PCDHGA9: variants seen among roughly 807,000 people sequenced by gnomAD.
PCDHGA9 encodes protocadherin gamma subfamily A, 9.
A neutral mutation model predicts 62.5 loss-of-function variants in PCDHGA9; 37 were observed. The observed-to-expected ratio is 0.59, with a 90% CI of 0.46 to 0.78. The LOEUF (loss-of-function observed/expected upper bound fraction) is 0.78. Among genes scored for constraint, PCDHGA9 ranks in the 30% least tolerant of loss-of-function variants. The probability of loss-of-function intolerance (pLI) is 0.00; values close to 1 mark genes in which losing one functional copy is unlikely to be tolerated. For synonymous variants in PCDHGA9, 459 were observed against 484.6 expected (o/e 0.95, Z 0.69); for missense variants, 1,138 against 1,166.2 (o/e 0.98, Z 0.35).
At chr5:141,417,851 G>A (rs1196210157) in intron 1 of PCDHGA9, 1 of 1,543,512 alleles carries the variant, frequency 6.5e-7, no homozygotes, top group Non-Finnish European at 8.8e-7. Flanking sequence ...GCGAGAACCC[G>A]AGCGAACGAT....
chr5:141,504,287 T>C (rs1191226511), intron 2 of PCDHGA9, among the ~76,000 whole-genome samples: 2 of 152,166 alleles, frequency 1.3e-5, no homozygotes, highest in Non-Finnish European at 2.9e-5. Flanking sequence ...AATCATTTCA[T>C]GTTTTTTCAA....
intron 1 of PCDHGA9, chr5:141,427,787 C>A (rs2097070880): frequency 6.8e-7 from 1 of 1,478,064 alleles, no homozygotes; most frequent in Non-Finnish European, 9.4e-7. Context: ...CACTGTCGTC[C>A]TACGTGTCCG....
intron 1 of PCDHGA9, chr5:141,428,370 C>A: frequency 1.8e-6 from 1 of 540,734 alleles, no homozygotes; most frequent in Non-Finnish European, 3.4e-6. Flanking sequence ...TCGCCTTGCA[C>A]CTGCGATGCT....
At chr5:141,414,926 G>T (rs2095802657) in intron 1 of PCDHGA9, 3 of 1,614,114 alleles carry the variant, frequency 1.9e-6, no homozygotes, top group Admixed American at 1.7e-5. Flanking sequence ...CTGGCGCCCC[G>T]CTCCGCAGAG....
chr5:141,476,642 C>T lies in PCDHGA9; in HGVS notation c.2425-18165C>T. On this transcript the variant is annotated intron_variant, in intron 1 of 3. Transcript: ENST00000573521. This position sits in a 1 kb window ranked among gnomAD's most constrained non-coding sequence, Gnocchi z 7.6. The stretch of plus-strand genomic sequence containing the variant: ...CTCTTTACAAACCTATGAGCTGAGC[C>T]GAAATGAATACTTTGCGCTTCGCGT... The T allele has an allele frequency of 1.9e-6, 3 of 1,614,240 alleles. No individual in the cohort carries two copies. The highest frequency in any genetic ancestry group is 2.5e-6 in the Non-Finnish European group (3 of 1,180,050).
intron 1 of PCDHGA9, chr5:141,442,107 C>A: frequency 6.0e-6 from 1 of 166,198 alleles, no homozygotes; most frequent in Non-Finnish European, 1.3e-5. Flanking sequence ...CCACCACTAC[C>A]GCCCCTCGTC....
intron 1 of PCDHGA9, chr5:141,430,922 G>A: frequency 1.2e-6 from 2 of 1,607,168 alleles, no homozygotes; most frequent in South Asian, 2.2e-5. Context: ...CCTGGGGCTG[G>A]AGCCCCGGGA....
Position 141,428,007 on chromosome 5 carries a change from A to T in PCDHGA9, c.2424+22631A>T, listed in dbSNP as rs770851074. 9.4e-6 allele frequency: 15 copies of T among 1,602,018 alleles called. No individual in the cohort carries two copies. In the African/African-American group the frequency reaches 1.5e-4, roughly 16 times the overall value. ...GCCCGATGGCTCCGCACTCTTCGAT[A>T]TAGTGCCACGCGCCGCAGAGTCCGG... On this transcript the variant is annotated intron_variant, in intron 1 of 3. Coordinates refer to ENST00000573521, the MANE Select transcript of PCDHGA9 (RefSeq NM_018921.3).
chr5:141,426,646 T>C (rs764903298), intron 1 of PCDHGA9: 1 of 416,448 alleles, frequency 2.4e-6, no homozygotes, highest in South Asian at 1.7e-5. Flanking sequence ...ATAAATGTGA[T>C]GATAGAAGAT....
chr5:141,428,115 G>A (rs753384738), intron 1 of PCDHGA9: 2 of 1,607,178 alleles, frequency 1.2e-6, no homozygotes, highest in Non-Finnish European at 8.5e-7. Flanking sequence ...GCAGGCCATC[G>A]AGCCCGGGCT....
chr5:141,489,915 C>T lies in PCDHGA9; in HGVS notation c.2425-4892C>T, dbSNP rs971312502. On this transcript the variant is annotated intron_variant, in intron 1 of 3. Coordinates refer to ENST00000573521, the MANE Select transcript of PCDHGA9 (RefSeq NM_018921.3). This position sits in a 1 kb window ranked among gnomAD's most constrained non-coding sequence, Gnocchi z 4.5. ...GGGGGACCCCAGCCCGCTCAGGGAC[C>T]ACCCTTATCTCTGTCATCGTGCTGG... The T allele has an allele frequency of 6.2e-7, 1 of 1,614,242 alleles. No individual in the cohort carries two copies. Among genetic ancestry groups the T allele is most frequent in the Non-Finnish European group, 8.5e-7 (1 of 1,180,044 alleles).
chr5:141,511,144 A>C lies in PCDHGA9; in HGVS notation c.2770A>C (p.Lys924Gln). 2 of 1,614,202 alleles carry C rather than the reference A, an allele frequency of 1.2e-6. No homozygotes were observed. The highest frequency in any genetic ancestry group is 1.7e-6 in the Non-Finnish European group (2 of 1,180,016). The change falls in exon 4 of 4, where the codon AAG becomes CAG. Residue 924 changes from lysine to glutamine, a missense_variant. By Grantham distance (53) the Lys-to-Gln change is moderately conservative. Transcript: ENST00000573521. Reference sequence around the variant, plus strand: ...CCCAGCAGGTGGCAATGGCAACAAGAAGAAGTCGGGCAAGAAGGAGAAGAA... The same window carrying C: ...CCCAGCAGGTGGCAATGGCAACAAGCAGAAGTCGGGCAAGAAGGAGAAGAA... ...KAPAGGNGNK[K>Q]KSGKKEKK
At chr5:141,423,470 A>G in intron 1 of PCDHGA9, 1 of 1,614,002 alleles carries the variant, frequency 6.2e-7, no homozygotes, top group Non-Finnish European at 8.5e-7. Context: ...GACGGGGTAC[A>G]GGCTTTCCTG....
At chr5:141,458,645 C>T (rs1162232847) in intron 1 of PCDHGA9, among the ~76,000 whole-genome samples, 2 of 152,170 alleles carry the variant, frequency 1.3e-5, no homozygotes, top group Non-Finnish European at 2.9e-5. Flanking sequence ...TCCCAGCTCA[C>T]TGCAACCTCC....
chr5:141,431,447 G>C lies in PCDHGA9; in HGVS notation c.2424+26071G>C. ...GCGCACAGGCACCGCGCGCATCCGC[G>C]TGATGGTTCTGGATGCGAACGACAA... is the stretch of plus-strand genomic sequence containing the variant. On this transcript the variant is annotated intron_variant, in intron 1 of 3. Coordinates refer to ENST00000573521, the MANE Select transcript of PCDHGA9 (RefSeq NM_018921.3). The surrounding 1 kb of genome is among the most constrained non-coding windows in gnomAD (Gnocchi z 4.8). The C allele has an allele frequency of 6.2e-7, 1 of 1,613,792 alleles. No individual in the cohort carries two copies. Among genetic ancestry groups the C allele is most frequent in the Non-Finnish European group, 8.5e-7 (1 of 1,180,014 alleles).
At position 141,408,137 on chromosome 5, in the gene PCDHGA9, T is replaced by C; in HGVS notation, c.2424+2761T>C. ...CTCCTGTCCTGGGCCGAATGCTCTT[T>C]TAGCGCGGTAGAGTGCACTTTCTCC... On this transcript the variant is annotated intron_variant, in intron 1 of 3. Coordinates refer to ENST00000573521, the MANE Select transcript of PCDHGA9 (RefSeq NM_018921.3). 4.0e-6 allele frequency: 6 copies of C among 1,488,870 alleles called. No individual in the cohort carries two copies. The South Asian group carries it at 8.2e-5, about 20-fold the overall frequency. 92.2% of individuals were successfully genotyped at this position (1,488,870 alleles called of 1,614,324 possible).
At chr5:141,481,703 C>T (rs909197135) in intron 1 of PCDHGA9, among the ~76,000 whole-genome samples, 1 of 152,090 alleles carries the variant, frequency 6.6e-6, no homozygotes, top group Admixed American at 6.5e-5. Context: ...CCTGTAATCC[C>T]AGCACTTTGG....
chr5:141,502,308 C>T (rs928137926), intron 2 of PCDHGA9, among the ~76,000 whole-genome samples: 2 of 151,586 alleles, frequency 1.3e-5, no homozygotes, highest in Non-Finnish European at 2.9e-5. Flanking sequence ...CTTTCCTCTC[C>T]TTTAATCTGG....
chr5:141,490,363 C>A lies in PCDHGA9; in HGVS notation c.2425-4444C>A. The A allele has an allele frequency of 6.2e-7, 1 of 1,614,154 alleles. No individual in the cohort carries two copies. Among genetic ancestry groups the A allele is most frequent in the South Asian group, 1.1e-5 (1 of 91,078 alleles). On this transcript the variant is annotated intron_variant, in intron 1 of 3. Coordinates refer to ENST00000573521, the MANE Select transcript of PCDHGA9 (RefSeq NM_018921.3). The surrounding 1 kb of genome is among the most constrained non-coding windows in gnomAD (Gnocchi z 5.4). Reference sequence around the variant, plus strand: ...CACAGTAGTGGGGTTGTTTAATGTGCGAGACCGGGACTCAGGTAGAAATGG... The same window carrying A: ...CACAGTAGTGGGGTTGTTTAATGTGAGAGACCGGGACTCAGGTAGAAATGG...
Sources: gnomAD v4.1 joint callset for allele counts (sites outside exome capture counted in the v4.1 genomes callset) on GRCh38, gnomAD v4.1.1 for gene constraint, Gnocchi (gnomAD v3.1) non-coding constraint, MANE v1.5 for transcripts, NCBI Gene and HGNC (gene_info 2026-07-23, HGNC 2026-07-21) for gene names.